ZNF804B: variants seen among roughly 807,000 people sequenced by gnomAD.
ZNF804B encodes zinc finger protein 804B.
A neutral mutation model predicts 101.4 loss-of-function variants in ZNF804B; 80 were observed. The observed-to-expected ratio is 0.79, with a 90% CI of 0.66 to 0.95. The LOEUF (loss-of-function observed/expected upper bound fraction) is 0.95. Ranked by LOEUF, ZNF804B falls within the 40% of genes least tolerant of loss-of-function variation. The probability of loss-of-function intolerance (pLI) is 0.00; values close to 1 mark genes in which losing one functional copy is unlikely to be tolerated. For synonymous variants in ZNF804B, 622 were observed against 558.8 expected (o/e 1.11, Z -1.59); for missense variants, 1,673 against 1,561.9 (o/e 1.07, Z -1.20).
chr7:89,112,133 G>T (rs940701870), intron 1 of ZNF804B, among the ~76,000 whole-genome samples: 5 of 77,766 alleles, frequency 6.4e-5, no homozygotes, highest in Non-Finnish European at 1.1e-4. Flanking sequence ...AGTTAAAATG[G>T]CAACACTTTT....
At chr7:89,234,713 C>T (rs1274557983) in intron 2 of ZNF804B, among the ~76,000 whole-genome samples, 1 of 152,168 alleles carries the variant, frequency 6.6e-6, no homozygotes, top group Non-Finnish European at 1.5e-5. Context: ...ACACCTTTCT[C>T]CTCCTTTCCT....
At chr7:89,288,542 T>C (rs1171090713) in intron 2 of ZNF804B, among the ~76,000 whole-genome samples, 1 of 152,102 alleles carries the variant, frequency 6.6e-6, no homozygotes, top group Non-Finnish European at 1.5e-5. Context: ...TAATCAACAA[T>C]AAAGCTTTTG....
At chr7:89,040,079 C>G (rs1788992904) in intron 1 of ZNF804B, among the ~76,000 whole-genome samples, 1 of 151,808 alleles carries the variant, frequency 6.6e-6, no homozygotes, top group African/African-American at 2.4e-5. Flanking sequence ...TATACTTTTT[C>G]TCTTTCTCTG....
At chr7:89,247,435 G>T (rs1056566321) in intron 2 of ZNF804B, among the ~76,000 whole-genome samples, 1 of 152,096 alleles carries the variant, frequency 6.6e-6, no homozygotes, top group Admixed American at 6.6e-5. Flanking sequence ...TGGCTGGTAG[G>T]TCCAACCACA....
At chr7:89,066,861 CA>C (rs1383702587) in intron 1 of ZNF804B, among the ~76,000 whole-genome samples, 1 of 152,006 alleles carries the variant, frequency 6.6e-6, no homozygotes, top group African/African-American at 2.4e-5. Flanking sequence ...CTCCTGGGTT[CA>C]AGCAGTTCTC....
chr7:88,950,242 C>T (rs982762620), intron 1 of ZNF804B, among the ~76,000 whole-genome samples: 2 of 151,832 alleles, frequency 1.3e-5, no homozygotes, highest in African/African-American at 4.8e-5. Context: ...ATCTATTTAT[C>T]TATCTAAATT....
intron 1 of ZNF804B, among the ~76,000 whole-genome samples, chr7:89,096,612 T>G (rs1045411642): frequency 1.3e-5 from 2 of 152,170 alleles, no homozygotes; most frequent in Non-Finnish European, 2.9e-5. Flanking sequence ...GTTCCTGATT[T>G]TACGATAATC....
chr7:88,786,159 A>G (rs1790298860), intron 1 of ZNF804B, among the ~76,000 whole-genome samples: 1 of 152,112 alleles, frequency 6.6e-6, no homozygotes, highest in Non-Finnish European at 1.5e-5. Flanking sequence ...AATATTTGTC[A>G]TATACTCCCA....
intron 2 of ZNF804B, among the ~76,000 whole-genome samples, chr7:89,305,440 A>T (rs984265578): frequency 6.6e-6 from 1 of 152,006 alleles, no homozygotes; most frequent in Non-Finnish European, 1.5e-5. Flanking sequence ...AACAAAGTAG[A>T]AAAGAGGCTG....
chr7:89,156,032 CTTT>C (rs1562899685), intron 1 of ZNF804B, among the ~76,000 whole-genome samples: 33 of 52,126 alleles, frequency 6.3e-4, no homozygotes, highest in East Asian at 4.1e-3. Context: ...TTCTTTCTTT[CTTT>C]CTTTCTTTCT....
chr7:89,002,989 C>T (rs1020068418), intron 1 of ZNF804B, among the ~76,000 whole-genome samples: 2 of 150,990 alleles, frequency 1.3e-5, no homozygotes, highest in Non-Finnish European at 3.0e-5. Context: ...GCAGTTATTG[C>T]ACAAGGTTAC....
At position 89,275,076 on chromosome 7, in the gene ZNF804B, T is replaced by C. The variant is rs117025210; in HGVS notation, c.250-52268T>C. On this transcript the variant is annotated intron_variant, in intron 2 of 3. Coordinates refer to ENST00000333190, the MANE Select transcript of ZNF804B (RefSeq NM_181646.5). ...CTTGCATCTGTATTTGGACGTCTAA[T>C]AGGCATCTGAAAATTATCTAGACCT... Among the ~76,000 whole-genome samples, 371 of 152,130 alleles carry C rather than the reference T, an allele frequency of 2.4e-3. 1 individual carries two copies. The highest frequency in any genetic ancestry group is 3.7e-3 in the South Asian group (18 of 4,832).
chr7:88,795,388 G>A (rs1425930438), intron 1 of ZNF804B, among the ~76,000 whole-genome samples: 1 of 151,810 alleles, frequency 6.6e-6, no homozygotes, highest in African/African-American at 2.4e-5. Flanking sequence ...GTCCTAATTA[G>A]CTTATGTAAC....
chr7:88,817,083 G>A (rs1432535037), intron 1 of ZNF804B, among the ~76,000 whole-genome samples: 4 of 152,172 alleles, frequency 2.6e-5, no homozygotes, highest in African/African-American at 9.6e-5. Context: ...TCCTTTGTAG[G>A]GACATGGATG....
intron 1 of ZNF804B, among the ~76,000 whole-genome samples, chr7:89,048,203 A>ACAC (rs1789142508): frequency 1.3e-5 from 2 of 149,696 alleles, no homozygotes; most frequent in Non-Finnish European, 3.0e-5. Flanking sequence ...GATGTTCACA[A>ACAC]ACACACACAC....
At chr7:89,010,239 C>G (rs1281908254) in intron 1 of ZNF804B, among the ~76,000 whole-genome samples, 1 of 152,084 alleles carries the variant, frequency 6.6e-6, no homozygotes, top group South Asian at 2.1e-4. Flanking sequence ...ATAACTGACA[C>G]TCAGAGAAGT....
chr7:89,332,425 A>G (rs1790999834), intron 3 of ZNF804B, among the ~76,000 whole-genome samples: 1 of 146,728 alleles, frequency 6.8e-6, no homozygotes, highest in South Asian at 2.2e-4. Context: ...AGAAATAAGC[A>G]AACAAACACA....
intron 2 of ZNF804B, among the ~76,000 whole-genome samples, chr7:89,263,674 C>T (rs1409747526): frequency 6.6e-6 from 1 of 150,844 alleles, no homozygotes. Context: ...CTGGGTGGAC[C>T]CTAAAGTTAG....
At chr7:88,972,219 G>A (rs150532282) in intron 1 of ZNF804B, among the ~76,000 whole-genome samples, 1 of 151,588 alleles carries the variant, frequency 6.6e-6, no homozygotes, top group East Asian at 2.0e-4. Context: ...CACCACAAGT[G>A]TGCTCCAATC....
Sources: allele counts gnomAD v4.1 joint callset (sites outside exome capture counted in the v4.1 genomes callset), GRCh38; gene constraint gnomAD v4.1.1; transcripts MANE v1.5; gene names NCBI Gene and HGNC (gene_info 2026-07-23, HGNC 2026-07-21).